AGPAT1: variants seen among roughly 807,000 people sequenced by gnomAD.
AGPAT1 encodes the protein 1-acylglycerol-3-phosphate O-acyltransferase 1.
In AGPAT1, 6 loss-of-function variants were observed where a neutral mutation model predicts 31.2. That is an observed-to-expected ratio of 0.19 (90% CI 0.11 to 0.38). The LOEUF (loss-of-function observed/expected upper bound fraction) is 0.38, where lower values mean the gene tolerates loss of function less well. AGPAT1 is among the 10% of genes least tolerant of loss of function. AGPAT1 has a pLI of 1.00. For synonymous variants in AGPAT1, 139 were observed against 154.0 expected (o/e 0.90, Z 0.72); for missense variants, 187 against 377.8 (o/e 0.49, Z 4.19).
In AGPAT1 at chr6:32,176,083, C is replaced by A. The variant is rs910414547; in HGVS notation, c.-279G>T. ...CTGAGGGCTGGGGCTGCTGCCGCCG[C>A]TATTCCCCCGCCACCCCTCCCCAAC... On this transcript the variant is annotated 5_prime_UTR_variant, in exon 1 of 7. Transcript: ENST00000375107. The A allele has an allele frequency of 8.1e-6, 8 of 985,366 alleles. No individual in the cohort carries two copies. In the African/African-American group the frequency reaches 1.0e-4, roughly 13 times the overall value. The allele number at this position is 985,366 out of a possible 1,614,324, so 61.0% of individuals were successfully genotyped here.
rs1193537396 is a variant in AGPAT1 at position 32,171,942 on chromosome 6, C to T, written c.-9-437G>A. 3 of 201,020 alleles carry T rather than the reference C, an allele frequency of 1.5e-5. No individual in the cohort carries two copies. Among genetic ancestry groups the T allele is most frequent in the African/African-American group, 2.3e-5 (1 of 43,090 alleles). 12.5% of individuals were successfully genotyped at this position (201,020 alleles called of 1,614,324 possible). ...AGATGTGCTGGAAATGTAAAATACA[C>T]ATCAGATTTCAAAGACTGAATAAAA... On this transcript the variant is annotated intron_variant, in intron 1 of 6. Coordinates refer to ENST00000375107, the MANE Select transcript of AGPAT1 (RefSeq NM_006411.4). The surrounding 1 kb of genome is among the most constrained non-coding windows in gnomAD (Gnocchi z 6.9).
At position 32,170,679 on chromosome 6, in the gene AGPAT1, C is replaced by T. The variant is rs763575459; in HGVS notation, c.335-79G>A. On this transcript the variant is annotated intron_variant, in intron 3 of 6. Coordinates refer to ENST00000375107, the MANE Select transcript of AGPAT1 (RefSeq NM_006411.4). The surrounding 1 kb of genome is among the most constrained non-coding windows in gnomAD (Gnocchi z 7.7). ...AGGCAACCCACCTCACCCAGCTCATCACCCTCTGGTAGGGACTGGAGGTGA... is the reference window on the plus strand; with the variant it reads ...AGGCAACCCACCTCACCCAGCTCATTACCCTCTGGTAGGGACTGGAGGTGA... The T allele has an allele frequency of 1.3e-6, 2 of 1,539,968 alleles. No individual in the cohort carries two copies. Among genetic ancestry groups the T allele is most frequent in the Admixed American group, 3.4e-5 (2 of 58,464 alleles).
upstream of AGPAT1, chr6:32,176,577 T>A: frequency 1.0e-6 from 1 of 968,282 alleles, no homozygotes; most frequent in Non-Finnish European, 1.2e-6. Context: ...TCCATCTCAC[T>A]CTCCAGTCCT....
chr6:32,169,222 G>T lies in AGPAT1; in HGVS notation c.*54C>A. On this transcript the variant is annotated 3_prime_UTR_variant, in exon 7 of 7. Coordinates refer to ENST00000375107, the MANE Select transcript of AGPAT1 (RefSeq NM_006411.4). This position sits in a 1 kb window ranked among gnomAD's most constrained non-coding sequence, Gnocchi z 5.9. ...CCCTGCTTCAGGGCCCACTGGGTGG[G>T]TAGGTGTGGGGAGGAAGATGGGGAC... 1.3e-6 allele frequency: 2 copies of T among 1,582,124 alleles called. No homozygotes were observed. Among genetic ancestry groups the T allele is most frequent in the African/African-American group, 1.3e-5 (1 of 74,546 alleles).
chr6:32,171,315 C>T lies in AGPAT1; in HGVS notation c.182G>A (p.Arg61His). The part of the protein sequence containing the change: ...LAIPVCAVRG[R>H]NVENMKILRL... ...CCCTCACTTCATGTTCTCGACGTTG[C>T]GTCCTCGCACGGCACACACAGGGAT... is the stretch of plus-strand genomic sequence containing the variant. Residue 61 changes from arginine to histidine, a missense_variant, in exon 2 of 7, where the codon CGC becomes CAC. Transcript: ENST00000375107. This position sits in a 1 kb window ranked among gnomAD's most constrained non-coding sequence, Gnocchi z 6.9. 6.2e-7 allele frequency: 1 copy of T among 1,613,142 alleles called. No homozygotes were observed.
At chr6:32,176,128 C>T (rs1785532654), upstream of AGPAT1, 8 of 985,510 alleles carry the variant, frequency 8.1e-6, no homozygotes, top group Non-Finnish European at 9.6e-6. Context: ...TTTCCGGGGC[C>T]GGCCAGGAAG....
chr6:32,176,316 A>C (rs1785553061), upstream of AGPAT1, among the ~76,000 whole-genome samples: 1 of 151,402 alleles, frequency 6.6e-6, no homozygotes, highest in African/African-American at 2.4e-5. Flanking sequence ...TCAGCTCTGG[A>C]TCCCCTGGTG....
chr6:32,169,452 G>C lies in AGPAT1; in HGVS notation c.680-4C>G. On this transcript the variant is annotated splice_region_variant and splice_polypyrimidine_tract_variant and intron_variant, in intron 6 of 6. Transcript: ENST00000375107. The surrounding 1 kb of genome is among the most constrained non-coding windows in gnomAD (Gnocchi z 5.9). ...AGCACCCGCACCTGACATTGTCCTG[G>C]GGCAAGGGGAGCACCATCATGGCCT... 1 of 1,612,232 alleles carries C rather than the reference G, an allele frequency of 6.2e-7. No homozygotes were observed. Among genetic ancestry groups the C allele is most frequent in the South Asian group, 1.1e-5 (1 of 91,088 alleles).
At chr6:32,176,484 T>C (rs1785567812), upstream of AGPAT1, 1 of 985,404 alleles carries the variant, frequency 1.0e-6, no homozygotes, top group Non-Finnish European at 1.2e-6. Context: ...CATTCAATTC[T>C]AAACATTTAT....
upstream of AGPAT1, chr6:32,176,202 C>A (rs527821586): frequency 1.7e-4 from 163 of 950,502 alleles, 5 homozygotes; most frequent in South Asian, 7.4e-3. Context: ...CATCTCCTCC[C>A]CACATCTACC....
chr6:32,169,843 G>T lies in AGPAT1; in HGVS notation c.679+123C>A. 2 of 897,632 alleles carry T rather than the reference G, an allele frequency of 2.2e-6. No homozygotes were observed. The highest frequency in any genetic ancestry group is 3.1e-5 in the South Asian group (2 of 63,956). The allele number at this position is 897,632 out of a possible 1,614,324, so 55.6% of individuals were successfully genotyped here. On this transcript the variant is annotated intron_variant, in intron 6 of 6. Transcript: ENST00000375107. This position sits in a 1 kb window ranked among gnomAD's most constrained non-coding sequence, Gnocchi z 5.9. ...GTAAAGACTTATTGGCTGATGTGGG[G>T]TTAGACTAGATGACTGTGTAGACAT... is the stretch of plus-strand genomic sequence containing the variant.
At chr6:32,176,608 C>A, upstream of AGPAT1, 3 of 810,734 alleles carry the variant, frequency 3.7e-6, no homozygotes, top group Non-Finnish European at 4.5e-6. Context: ...TTCCTTTGCC[C>A]TTTGTCCCTC....
In AGPAT1 at chr6:32,172,720, A is replaced by G; in HGVS notation, c.-9-1215T>C. ...CAGCATATATGGTGATTGTGACAGA[A>G]CACTCACAGCCATATACCCAAGGGC... On this transcript the variant is annotated intron_variant, in intron 1 of 6. Transcript: ENST00000375107. This position sits in a 1 kb window ranked among gnomAD's most constrained non-coding sequence, Gnocchi z 4.3. Among the ~76,000 whole-genome samples the G allele has an allele frequency of 6.6e-6, 1 of 152,340 alleles. No homozygotes were observed. Among genetic ancestry groups the G allele is most frequent in the South Asian group, 2.1e-4 (1 of 4,826 alleles).
chr6:32,174,732 T>C lies in AGPAT1; in HGVS notation c.-10+1082A>G, dbSNP rs1785385164. Among the ~76,000 whole-genome samples the C allele has an allele frequency of 6.6e-6, 1 of 152,200 alleles. No individual in the cohort carries two copies. On this transcript the variant is annotated intron_variant, in intron 1 of 6. Transcript: ENST00000375107. This position sits in a 1 kb window ranked among gnomAD's most constrained non-coding sequence, Gnocchi z 4.5. ...ACCTGGAGACCCAGTTACCTTCTTC[T>C]CTTAACACTTGATATTAAGTGACCC...
Position 32,171,608 on chromosome 6 carries a change from G to A in AGPAT1, c.-9-103C>T, listed in dbSNP as rs902786261. On this transcript the variant is annotated intron_variant, in intron 1 of 6. Coordinates refer to ENST00000375107, the MANE Select transcript of AGPAT1 (RefSeq NM_006411.4). This position sits in a 1 kb window ranked among gnomAD's most constrained non-coding sequence, Gnocchi z 6.9. ...TGGGGGCTGGTGCTATGAGGACAAG[G>A]GCCTGAGACACAAACTGGGGCAGGG... 3 of 1,447,748 alleles carry A rather than the reference G, an allele frequency of 2.1e-6. No individual in the cohort carries two copies. The highest frequency in any genetic ancestry group is 2.8e-5 in the African/African-American group (2 of 71,392). The allele number at this position is 1,447,748 out of a possible 1,614,324, so 89.7% of individuals were successfully genotyped here.
Position 32,171,771 on chromosome 6 carries a change from TCA to T in AGPAT1, c.-9-268_-9-267del. Reference sequence around the variant, plus strand: ...GACACAAGACACAGACATCTACAATTCACAGATACCTGATAATAAATGACAAC... The same window carrying T: ...GACACAAGACACAGACATCTACAATTCAGATACCTGATAATAAATGACAAC... On this transcript the variant is annotated intron_variant, in intron 1 of 6. Coordinates refer to ENST00000375107, the MANE Select transcript of AGPAT1 (RefSeq NM_006411.4). The surrounding 1 kb of genome is among the most constrained non-coding windows in gnomAD (Gnocchi z 6.9). The T allele has an allele frequency of 1.7e-6, 1 of 583,568 alleles. No homozygotes were observed. Among genetic ancestry groups the T allele is most frequent in the Non-Finnish European group, 3.0e-6 (1 of 328,042 alleles). The allele number at this position is 583,568 out of a possible 1,614,324, so 36.1% of individuals were successfully genotyped here.
rs1310346955 is a variant in AGPAT1 at position 32,173,140 on chromosome 6, A to T, written c.-9-1635T>A. On this transcript the variant is annotated intron_variant, in intron 1 of 6. Transcript: ENST00000375107. This position sits in a 1 kb window ranked among gnomAD's most constrained non-coding sequence, Gnocchi z 4.7. ...GGGCTCAAGAGGAAGAGAGGCAGGA[A>T]CACAGAACCTGTGTTCTAGGTTCTT... 1 of 152,178 alleles carries T rather than the reference A, an allele frequency of 6.6e-6. No homozygotes were observed. Among genetic ancestry groups the T allele is most frequent in the Non-Finnish European group, 1.5e-5 (1 of 68,024 alleles). 9.4% of individuals were successfully genotyped at this position (152,178 alleles called of 1,614,324 possible). A position where few individuals can be genotyped will look rare whatever the true frequency, so the allele number is the denominator to read the frequency against.
At position 32,174,110 on chromosome 6, in the gene AGPAT1, T is replaced by C. The variant is rs574225499; in HGVS notation, c.-10+1704A>G. 7.9e-5 allele frequency among the ~76,000 whole-genome samples: 12 copies of C among 152,326 alleles called. No homozygotes were observed. The South Asian group carries it at 2.3e-3, about 29-fold the overall frequency. On this transcript the variant is annotated intron_variant, in intron 1 of 6. Transcript: ENST00000375107. This position sits in a 1 kb window ranked among gnomAD's most constrained non-coding sequence, Gnocchi z 4.5. Reference sequence around the variant, plus strand: ...ACACACTATGTGTTGACTGGCGTTTTTGTTTCCCTCCTTAGGCTGTAAGCA... The same window carrying C: ...ACACACTATGTGTTGACTGGCGTTTCTGTTTCCCTCCTTAGGCTGTAAGCA...
rs143961469 is a variant in AGPAT1 at position 32,170,030 on chromosome 6, A to T, written c.615T>A (p.Ile205=). The T allele has an allele frequency of 6.2e-7, 1 of 1,613,996 alleles. No individual in the cohort carries two copies. Reference sequence around the variant, plus strand: ...GGTAGGAGGACATGACTATGGGGACAATGGGAACCTGGGGAAGGGTTAAAG... The same window carrying T: ...GGTAGGAGGACATGACTATGGGGACTATGGGAACCTGGGGAAGGGTTAAAG... The part of the protein sequence containing the change: ...FHLAVQAQVP[I]VPIVMSSYQD... The change falls in exon 6 of 7, where the codon ATT becomes ATA. Residue 205 remains isoleucine (I), a synonymous_variant. Coordinates refer to ENST00000375107, the MANE Select transcript of AGPAT1 (RefSeq NM_006411.4). The surrounding 1 kb of genome is among the most constrained non-coding windows in gnomAD (Gnocchi z 7.7).
Sources: gnomAD v4.1 joint callset for allele counts (sites outside exome capture counted in the v4.1 genomes callset) on GRCh38, gnomAD v4.1.1 for gene constraint, Gnocchi (gnomAD v3.1) non-coding constraint, MANE v1.5 for transcripts, NCBI Gene and HGNC (gene_info 2026-07-23, HGNC 2026-07-21) for gene names.